HIGD1C: variants seen among roughly 807,000 people sequenced by gnomAD.
The protein encoded by HIGD1C is HIG1 domain family member 1C.
A neutral mutation model predicts 13.1 loss-of-function variants in HIGD1C; 11 were observed. That is an observed-to-expected ratio of 0.84 (90% CI 0.53 to 1.39). HIGD1C has a LOEUF of 1.39. HIGD1C is among the 40% of genes most tolerant of loss of function. HIGD1C has a pLI of 0.00. For synonymous variants in HIGD1C, 36 were observed against 37.7 expected, an observed-to-expected ratio of 0.95 and a Z score of 0.17; for missense variants, 110 against 112.0, an observed-to-expected ratio of 0.98 and a Z score of 0.08.
At chr12:50,933,977 T>C in the HIGD1C span, among the ~76,000 whole-genome samples, 1 of 152,212 alleles carries the variant, frequency 6.6e-6, no homozygotes, top group Non-Finnish European at 1.5e-5. Context: ...TTACAAAACC[T>C]GACCAAGCCC....
the HIGD1C span, among the ~76,000 whole-genome samples, chr12:50,940,701 C>T: frequency 2.8e-5 from 4 of 142,246 alleles, no homozygotes; most frequent in East Asian, 2.1e-4. Flanking sequence ...CCAGCCTGGG[C>T]GACAGAGTGA....
At chr12:50,946,891 T>C in the HIGD1C span, among the ~76,000 whole-genome samples, 4 of 152,142 alleles carry the variant, frequency 2.6e-5, no homozygotes, top group Non-Finnish European at 4.4e-5. Context: ...ACATGTACCA[T>C]AGAACTTAAA....
At chr12:50,964,797 T>A (rs11169636) in intron 2 of HIGD1C, among the ~76,000 whole-genome samples, 25,222 of 152,242 alleles carry the variant, frequency 0.17, 2,170 homozygotes, top group South Asian at 0.27. Context: ...CCTGATTAAG[T>A]TTATAGGAAT....
At chr12:50,954,039 G>A (rs1488715531) in exon 1 of HIGD1C, 2 of 1,613,206 alleles carry the variant, frequency 1.2e-6, no homozygotes, top group African/African-American at 2.7e-5. Flanking sequence ...GAGGATGAAG[G>A]CCAATTATCC....
intron 1 of HIGD1C, among the ~76,000 whole-genome samples, chr12:50,959,312 GT>G (rs1199191363): frequency 6.6e-6 from 1 of 151,798 alleles, no homozygotes; most frequent in Non-Finnish European, 1.5e-5. Flanking sequence ...AGAGATGGGG[GT>G]TTCTCCATGT....
intron 2 of HIGD1C, among the ~76,000 whole-genome samples, chr12:50,969,772 G>C (rs1173522353): frequency 3.3e-5 from 5 of 151,964 alleles, no homozygotes; most frequent in Admixed American, 3.3e-4. Context: ...ACTCAGAAGA[G>C]GGATCTAATT....
At chr12:50,961,378 A>G (rs73090660) in intron 2 of HIGD1C, among the ~76,000 whole-genome samples, 19,628 of 152,132 alleles carry the variant, frequency 0.13, 1,735 homozygotes, top group East Asian at 0.42. Context: ...TTCCTATCCT[A>G]TAACTCAAGC....
chr12:50,970,299 C>A, intron 2 of HIGD1C, 143 bp from the exon 5 acceptor site: 1 of 643,802 alleles, frequency 1.6e-6, no homozygotes, highest in East Asian at 2.9e-5. Context: ...TTGTATGATC[C>A]AAACCAAAAA....
chr12:50,947,530 G>T, the HIGD1C span, among the ~76,000 whole-genome samples: 4 of 152,008 alleles, frequency 2.6e-5, no homozygotes, highest in Admixed American at 6.6e-5. Context: ...AAAATCCGTT[G>T]TAATTACACT....
At chr12:50,958,350 C>T (rs148940696) in intron 1 of HIGD1C, among the ~76,000 whole-genome samples, 14,550 of 148,414 alleles carry the variant, frequency 0.098, 1,105 homozygotes, top group African/African-American at 0.21. Flanking sequence ...GGCACTATCT[C>T]GGCTCACTGC....
intron 2 of HIGD1C, among the ~76,000 whole-genome samples, chr12:50,966,999 C>G (rs915259205): frequency 1.3e-5 from 2 of 152,096 alleles, no homozygotes; most frequent in African/African-American, 4.8e-5. Flanking sequence ...TGCCTGTAAT[C>G]CCTGCTACTC....
At chr12:50,954,829 G>T (rs879317416) in intron 1 of HIGD1C, among the ~76,000 whole-genome samples, 11 of 152,164 alleles carry the variant, frequency 7.2e-5, no homozygotes, top group Admixed American at 3.3e-4. Context: ...AAAGAACTGT[G>T]GGTCAATTCA....
downstream of HIGD1C, among the ~76,000 whole-genome samples, chr12:50,971,290 A>G (rs1024656966): frequency 2.6e-5 from 4 of 152,232 alleles, no homozygotes; most frequent in African/African-American, 9.6e-5. Context: ...ATGGGTAATA[A>G]TGACATCAGA....
upstream of HIGD1C, among the ~76,000 whole-genome samples, chr12:50,951,596 T>C (rs1938897784): frequency 6.6e-6 from 1 of 152,030 alleles, no homozygotes; most frequent in East Asian, 1.9e-4. Flanking sequence ...AGGATTAGAT[T>C]GAGAGGCATC....
At chr12:50,935,860 A>T in the HIGD1C span, among the ~76,000 whole-genome samples, 1 of 152,144 alleles carries the variant, frequency 6.6e-6, no homozygotes, top group Non-Finnish European at 1.5e-5. Flanking sequence ...TCAATCTTTA[A>T]ACATGTATCT....
intron 2 of HIGD1C, among the ~76,000 whole-genome samples, chr12:50,964,139 G>C (rs939962209): frequency 4.1e-5 from 6 of 147,476 alleles, no homozygotes; most frequent in East Asian, 2.0e-4. Context: ...AATGGACGTG[G>C]GGAATAGAAA....
chr12:50,931,666 A>G, the HIGD1C span: 1 of 145,932 alleles, frequency 6.9e-6, no homozygotes, highest in African/African-American at 2.6e-5. Context: ...AACCGAGATC[A>G]TGCCATTGTA....
At chr12:50,956,028 TTAAG>T (rs1193683807) in intron 1 of HIGD1C, among the ~76,000 whole-genome samples, 3 of 152,300 alleles carry the variant, frequency 2.0e-5, no homozygotes, top group Non-Finnish European at 4.4e-5. Context: ...CAAAACCAAT[TTAAG>T]TAAGAACAGA....
the HIGD1C span, among the ~76,000 whole-genome samples, chr12:50,937,582 G>A: frequency 6.6e-6 from 1 of 152,136 alleles, no homozygotes; most frequent in Non-Finnish European, 1.5e-5. Context: ...CATTTGTGTT[G>A]CAGCTCTTTC....
Sources: allele counts gnomAD v4.1 joint callset (sites outside exome capture counted in the v4.1 genomes callset), GRCh38; gene constraint gnomAD v4.1.1; transcripts MANE v1.5; gene names NCBI Gene and HGNC (gene_info 2026-07-23, HGNC 2026-07-21).